The following PDK3 variants were observed in gnomAD, a reference collection of about 807,000 sequenced individuals.
The protein encoded by PDK3 is pyruvate dehydrogenase kinase 3, also known as pyruvate dehydrogenase kinase, isozyme 3.
In PDK3, 12 loss-of-function variants were observed where a neutral mutation model predicts 32.0. That is an observed-to-expected ratio of 0.37 (90% CI 0.24 to 0.61). The LOEUF (loss-of-function observed/expected upper bound fraction) is 0.61, where lower values mean the gene tolerates loss of function less well. Ranked by LOEUF, PDK3 falls within the 20% of genes least tolerant of loss-of-function variation. The pLI is 0.65. For synonymous variants in PDK3, 122 were observed against 116.3 expected (o/e 1.05, Z -0.31); for missense variants, 188 against 316.9 (o/e 0.59, Z 3.09).
intron 5 of PDK3, among the ~76,000 whole-genome samples, chrX:24,517,671 C>T (rs919741676): frequency 1.2e-4 from 13 of 112,832 alleles, no homozygotes; most frequent in African/African-American, 4.2e-4. Flanking sequence ...TTGTAATGCA[C>T]CTTTGCTTTC....
intron 10 of PDK3, 101 bp from the exon 11 acceptor site, chrX:24,533,828 T>G: frequency 1.1e-6 from 1 of 897,885 alleles, no homozygotes; most frequent in Non-Finnish European, 1.5e-6. Context: ...AAAATATGTA[T>G]TAAGGTTTCT....
chrX:24,548,910 T>G (rs1250807496), exon 12 of PDK3: 2 of 111,893 alleles, frequency 1.8e-5, no homozygotes, highest in Admixed American at 1.9e-4. Context: ...GAAAATGTTA[T>G]ACTGTTGTTT....
intron 1 of PDK3, among the ~76,000 whole-genome samples, chrX:24,491,278 CAAA>C (rs55876160): frequency 1.2e-4 from 8 of 68,764 alleles, no homozygotes; most frequent in Non-Finnish European, 1.2e-4. Context: ...GACCCTGTCT[CAAA>C]AAAAAAAAAA....
intron 5 of PDK3, among the ~76,000 whole-genome samples, chrX:24,508,579 G>A (rs1922039977): frequency 9.0e-6 from 1 of 111,364 alleles, no homozygotes; most frequent in African/African-American, 3.3e-5. Context: ...TGAGTCAGAG[G>A]TGTCAGAGTG....
exon 12 of PDK3, among the ~76,000 whole-genome samples, chrX:24,543,424 G>A (rs1922931975): frequency 9.0e-6 from 1 of 110,853 alleles, no homozygotes; most frequent in African/African-American, 3.3e-5. Flanking sequence ...TTCCACTTCT[G>A]TTACAGTTTT....
In PDK3 at chrX:24,481,204, C is replaced by T. The variant is rs754040275; in HGVS notation, c.107-13538C>T. 2.1e-4 allele frequency among the ~76,000 whole-genome samples: 23 copies of T among 110,867 alleles called. No individual in the cohort carries two copies. In the South Asian group the frequency reaches 4.1e-3, roughly 20 times the overall value. ...GACTGCAGGCGCCCGCCACTGCACG[C>T]GGCTAATTTTTTGTATTTTTAGTAG... On this transcript the variant is annotated intron_variant, in intron 1 of 10. Coordinates refer to ENST00000379162, the MANE Select transcript of PDK3 (RefSeq NM_005391.5).
Position 24,465,287 on chromosome X carries a change from C to A in PDK3, c.-169C>A. 1 of 295,268 alleles carries A rather than the reference C, an allele frequency of 3.4e-6. No homozygotes were observed. Among genetic ancestry groups the A allele is most frequent in the Middle Eastern group, 9.6e-4 (1 of 1,043 alleles). The allele number at this position is 295,268 out of a possible 1,213,427, so 24.3% of individuals were successfully genotyped here. ...TAGGGAAGCCGCGGGCGGCCCGCCG[C>A]TGTCCTGGAGCTGCTGCTGCTGCTG... On this transcript the variant is annotated 5_prime_UTR_variant, in exon 1 of 11. It adds an upstream start codon to the 5' untranslated region. Coordinates refer to ENST00000379162, the MANE Select transcript of PDK3 (RefSeq NM_005391.5).
At chrX:24,493,114 T>G (rs1159501824) in intron 1 of PDK3, among the ~76,000 whole-genome samples, 2 of 111,856 alleles carry the variant, frequency 1.8e-5, no homozygotes, top group Admixed American at 1.9e-4. Context: ...CCTTCTCCTC[T>G]TACTTGAAGT....
intron 6 of PDK3, among the ~76,000 whole-genome samples, chrX:24,519,312 A>G (rs1046147450): frequency 9.1e-6 from 1 of 110,454 alleles, no homozygotes; most frequent in African/African-American, 3.3e-5. Context: ...AACATATGGA[A>G]AAGTGTTTAA....
chrX:24,502,040 T>G (rs981629809), intron 3 of PDK3, among the ~76,000 whole-genome samples: 20 of 111,438 alleles, frequency 1.8e-4, no homozygotes, highest in South Asian at 3.7e-4. Context: ...AAGTTTTTTG[T>G]TTTTTTTCTA....
exon 12 of PDK3, among the ~76,000 whole-genome samples, chrX:24,540,437 A>C (rs1602132435): frequency 8.9e-6 from 1 of 111,747 alleles, no homozygotes; most frequent in East Asian, 2.8e-4. Context: ...CTGACTTGTA[A>C]ACCATTCATC....
At chrX:24,528,422 C>G (rs897188699) in intron 9 of PDK3, among the ~76,000 whole-genome samples, 1 of 112,291 alleles carries the variant, frequency 8.9e-6, no homozygotes, top group African/African-American at 3.2e-5. Context: ...TGCCTCATTC[C>G]CATATACAGA....
In PDK3 at chrX:24,465,325, C is replaced by A; in HGVS notation, c.-131C>A. ...GCTGCTGCTGCTGCGGCGGCTGCAC[C>A]GGCGGCGCCGAGGCCGAGATCGAGG... On this transcript the variant is annotated 5_prime_UTR_variant, in exon 1 of 11. Transcript: ENST00000379162. The A allele has an allele frequency of 2.5e-6, 1 of 396,808 alleles. No homozygotes were observed. The highest frequency in any genetic ancestry group is 5.6e-5 in the South Asian group (1 of 18,018). 32.7% of individuals were successfully genotyped at this position (396,808 alleles called of 1,213,427 possible). A position where few individuals can be genotyped will look rare whatever the true frequency, so the allele number is the denominator to read the frequency against.
intron 5 of PDK3, among the ~76,000 whole-genome samples, chrX:24,517,723 C>G (rs1922291790): frequency 8.9e-6 from 1 of 112,570 alleles, no homozygotes; most frequent in Non-Finnish European, 1.9e-5. Flanking sequence ...ATTCTGTCTT[C>G]CGGCTGTTTC....
At chrX:24,548,466 T>C (rs989872876) in exon 12 of PDK3, 1 of 112,509 alleles carries the variant, frequency 8.9e-6, no homozygotes, top group African/African-American at 3.2e-5. Flanking sequence ...AAGTGGCTTC[T>C]TAATTTGAAT....
chrX:24,497,593 A>G (rs1921749556), intron 2 of PDK3, among the ~76,000 whole-genome samples: 1 of 112,941 alleles, frequency 8.9e-6, no homozygotes, highest in Non-Finnish European at 1.9e-5. Flanking sequence ...GCCCCCAGAG[A>G]CTTTTAAAAA....
chrX:24,493,639 G>A (rs767758591), intron 1 of PDK3, among the ~76,000 whole-genome samples: 2 of 111,866 alleles, frequency 1.8e-5, no homozygotes, highest in South Asian at 7.5e-4. Flanking sequence ...TCAATACCAC[G>A]GAGACCGGAA....
chrX:24,469,095 T>C (rs1055886696), intron 1 of PDK3, among the ~76,000 whole-genome samples: 3 of 112,245 alleles, frequency 2.7e-5, no homozygotes, highest in African/African-American at 9.7e-5. Flanking sequence ...TTTGGTTATA[T>C]GAATGTACCA....
At chrX:24,505,357 A>C in intron 5 of PDK3, 59 bp downstream of exon 5, 1 of 915,378 alleles carries the variant, frequency 1.1e-6, no homozygotes, top group Non-Finnish European at 1.6e-6. Context: ...GGTTTATTGG[A>C]GGCAGCTTGG....
Sources: allele counts gnomAD v4.1 joint callset (sites outside exome capture counted in the v4.1 genomes callset), GRCh38; gene constraint gnomAD v4.1.1; transcripts MANE v1.5; gene names NCBI Gene and HGNC (gene_info 2026-07-23, HGNC 2026-07-21).